Variants in TPR observed in about 807,000 individuals in gnomAD.
The protein encoded by TPR is translocated promoter region, nuclear basket protein.
TPR carries 51 observed loss-of-function variants against 316.1 expected under a neutral mutation model. That is an observed-to-expected ratio of 0.16 (90% confidence interval 0.13 to 0.20). The LOEUF (loss-of-function observed/expected upper bound fraction) is 0.20. TPR is among the 10% of genes least tolerant of loss of function. TPR has a pLI of 1.00. For missense variants in TPR, 2,272 were observed against 2,754.8 expected (o/e 0.82, Z 3.92); for synonymous variants, 981 against 914.7 (o/e 1.07, Z -1.31).
intron 36 of TPR, among the ~76,000 whole-genome samples, chr1:186,333,649 G>A (rs1431797657): frequency 6.6e-6 from 1 of 151,966 alleles, no homozygotes; most frequent in Non-Finnish European, 1.5e-5. Flanking sequence ...AATTACTGTT[G>A]AATAAAATTA....
chr1:186,369,600 C>T lies in TPR; in HGVS notation c.330+1370G>A, dbSNP rs116564637. On this transcript the variant is annotated intron_variant, in intron 3 of 50. Transcript: ENST00000367478. ...TTTTTAATATTGATTTTGTATCCTT[C>T]AATTGTATAAATTCACTTATTAGCT... Among the ~76,000 whole-genome samples the T allele has an allele frequency of 6.1e-3, 929 of 152,054 alleles. 13 individuals are homozygous for T. The highest frequency in any genetic ancestry group is 0.022 in the African/African-American group (899 of 41,490).
In TPR at chr1:186,317,550, G is replaced by A. The variant is rs189194086; in HGVS notation, c.6872C>T (p.Pro2291Leu). The change falls in exon 49 of 51, where the codon CCG becomes CTG. Residue 2291 changes from proline to leucine, a missense_variant. Around this residue, in one of 10 missense-constraint regions of TPR, gnomAD observed 123 missense variants for 142.3 expected, o/e 0.86. Transcript: ENST00000367478. The part of the protein sequence containing the change: ...LEIDSQQEEE[P>L]VQASDESDLP... The stretch of plus-strand genomic sequence containing the variant: ...ATCTGACTCATCAGATGCTTGAACC[G>A]GCTCTTCTTCCTGCTGGCTATCAAT... The A allele has an allele frequency of 6.2e-6, 10 of 1,613,922 alleles. No individual in the cohort carries two copies. The highest frequency in any genetic ancestry group is 3.3e-5 in the Admixed American group (2 of 59,982).
rs759238138 is a variant in TPR at position 186,350,409 on chromosome 1, A to G, written c.2611-21T>C. ...TGAACCTATAAAATACATTAATCTT[A>G]TAACATTCTTTAGGTTCCTAAGTAA... On this transcript the variant is annotated intron_variant, in intron 20 of 50. Coordinates refer to ENST00000367478, the MANE Select transcript of TPR (RefSeq NM_003292.3). 4 of 1,528,654 alleles carry G rather than the reference A, an allele frequency of 2.6e-6. No homozygotes were observed. The South Asian group carries it at 3.7e-5, about 14-fold the overall frequency. The allele number at this position is 1,528,654 out of a possible 1,614,324, so 94.7% of individuals were successfully genotyped here. A position where few individuals can be genotyped will look rare whatever the true frequency, so the allele number is the denominator to read the frequency against.
At chr1:186,360,058 T>C in intron 11 of TPR, 62 bp from the exon 12 acceptor site, 1 of 1,524,548 alleles carries the variant, frequency 6.6e-7, no homozygotes, top group African/African-American at 1.4e-5. Context: ...TTAGTTGATC[T>C]AGTTTCATAA....
At chr1:186,354,054 C>G (rs945229920) in intron 17 of TPR, 2 of 440,122 alleles carry the variant, frequency 4.5e-6, no homozygotes, top group African/African-American at 4.0e-5. Context: ...TTTATTTTCA[C>G]ACTGAAAATC....
chr1:186,321,363 C>A (rs10494583), intron 45 of TPR, among the ~76,000 whole-genome samples: 1 of 152,038 alleles, frequency 6.6e-6, no homozygotes, highest in African/African-American at 2.4e-5. Context: ...ATACCTTAGC[C>A]ACGAATAAAT....
At position 186,325,768 on chromosome 1, in the gene TPR, G is replaced by A. The variant is rs1657908613; in HGVS notation, c.6108C>T (p.Asn2036=). The A allele has an allele frequency of 6.2e-7, 1 of 1,612,192 alleles. No individual in the cohort carries two copies. Among genetic ancestry groups the A allele is most frequent in the East Asian group, 2.2e-5 (1 of 44,802 alleles). Reference sequence around the variant, plus strand: ...AAAGGCTAATAAAAATCTCACCACTGTTTTGAGAATCAGCAGCTCTGTGAT... The same window carrying A: ...AAAGGCTAATAAAAATCTCACCACTATTTTGAGAATCAGCAGCTCTGTGAT... ...EGNHRAADSQ[N]SGEGNTGAAE... The change falls in exon 42 of 51, where the codon AAC becomes AAT. Residue 2036 remains asparagine (N), a synonymous_variant. Transcript: ENST00000367478.
intron 42 of TPR, among the ~76,000 whole-genome samples, chr1:186,325,238 T>C (rs1027264266): frequency 1.3e-5 from 2 of 152,208 alleles, no homozygotes; most frequent in Non-Finnish European, 2.9e-5. Flanking sequence ...AATACACATT[T>C]CAAAATAAAA....
At position 186,352,086 on chromosome 1, in the gene TPR, C is replaced by A; in HGVS notation, c.2359G>T (p.Glu787Ter). 6.2e-7 allele frequency: 1 copy of A among 1,602,340 alleles called. No individual in the cohort carries two copies. Residue 787 changes from glutamate to a stop codon, truncating the protein, a stop_gained, in exon 19 of 51, where the codon GAA (glutamate) becomes TAA (stop). Transcript: ENST00000367478. LOFTEE classifies it high-confidence loss of function. ...AEVRAENLKK[E>*]KEMLKLSEVR... ...TCAGACAATTTAAGCATTTCCTTTT[C>A]CTTCTTCAAATTTTCTGCTCTTACC...
At chr1:186,339,523 G>C (rs1658444455) in intron 30 of TPR, 119 bp downstream of exon 30, 2 of 753,296 alleles carry the variant, frequency 2.7e-6, no homozygotes, top group East Asian at 6.5e-5. Flanking sequence ...GTCAGATATA[G>C]GTGCTCTAGC....
At chr1:186,361,579 G>C (rs377629307) in intron 9 of TPR, 43 bp downstream of exon 9, 170 of 1,541,672 alleles carry the variant, frequency 1.1e-4, no homozygotes, top group Non-Finnish European at 1.5e-4. Context: ...AAAAAAAAGA[G>C]TACAATAACA....
At chr1:186,339,852 A>G in intron 29 of TPR, 80 bp from the exon 30 acceptor site, 1 of 1,222,026 alleles carries the variant, frequency 8.2e-7, no homozygotes, top group East Asian at 2.6e-5. Context: ...AGAATATCTG[A>G]TTATGTTTAT....
chr1:186,370,872 A>G, intron 3 of TPR, 98 bp downstream of exon 3: 1 of 1,012,832 alleles, frequency 9.9e-7, no homozygotes, highest in South Asian at 1.5e-5. Flanking sequence ...GACATCAGTT[A>G]CATCTTCCCA....
chr1:186,344,435 T>C lies in TPR; in HGVS notation c.3357A>G (p.Lys1119=). 6.2e-7 allele frequency: 1 copy of C among 1,614,068 alleles called. No homozygotes were observed. The highest frequency in any genetic ancestry group is 2.2e-5 in the East Asian group (1 of 44,898). ...VRQHLEETTQ[K]AESQLLECKA... is the part of the protein sequence containing the mutation. The stretch of plus-strand genomic sequence containing the variant: ...TACACTCCAACAACTGTGATTCTGC[T>C]TTCTGTGTTGTTTCTTCCAAATGCT... Residue 1119 remains lysine (K), a synonymous_variant, in exon 25 of 51, where the codon AAA becomes AAG. Transcript: ENST00000367478.
intron 50 of TPR, 172 bp downstream of exon 50, chr1:186,314,457 T>C: frequency 2.2e-6 from 1 of 463,004 alleles, no homozygotes; most frequent in Non-Finnish European, 3.8e-6. Context: ...GGTATACAAA[T>C]CTGTCTACAT....
Position 186,313,735 on chromosome 1 carries a change from G to A in TPR, c.*236C>T, listed in dbSNP as rs1392551668. The A allele has an allele frequency of 1.4e-5, 23 of 1,610,008 alleles. No individual in the cohort carries two copies. Among genetic ancestry groups the A allele is most frequent in the African/African-American group, 4.0e-5 (3 of 74,794 alleles). On this transcript the variant is annotated 3_prime_UTR_variant, in exon 51 of 51. Coordinates refer to ENST00000367478, the MANE Select transcript of TPR (RefSeq NM_003292.3). ...AGAACAGCAAGAGCAATTACTACTC[G>A]TTCTGGGCAGACCTTATCCAAAGTC... is the stretch of plus-strand genomic sequence containing the variant.
chr1:186,371,762 C>CA lies in TPR; in HGVS notation c.257-720dup, dbSNP rs547545488. On this transcript the variant is annotated intron_variant, in intron 2 of 50. Transcript: ENST00000367478. ...TTCTATTTAAAGAGGACCATTAAAGCAAAAAAATCCCCATTAAATGTGTCT... is the reference window on the plus strand; with the variant it reads ...TTCTATTTAAAGAGGACCATTAAAGCAAAAAAAATCCCCATTAAATGTGTCT... 2.1e-3 allele frequency among the ~76,000 whole-genome samples: 326 copies of CA among 152,046 alleles called. 1 individual carries two copies. The highest frequency in any genetic ancestry group is 7.3e-3 in the African/African-American group (302 of 41,500).
intron 2 of TPR, among the ~76,000 whole-genome samples, chr1:186,372,362 C>T (rs1218052757): frequency 2.0e-5 from 3 of 152,106 alleles, no homozygotes; most frequent in Non-Finnish European, 2.9e-5. Flanking sequence ...GCCAACATGG[C>T]GAACCACTGT....
chr1:186,337,953 A>G, intron 31 of TPR, 80 bp downstream of exon 31: 1 of 1,160,820 alleles, frequency 8.6e-7, no homozygotes, highest in Non-Finnish European at 1.2e-6. Context: ...AAAAGCTAGT[A>G]ATATTCAAAA....
Sources: allele counts gnomAD v4.1 joint callset (sites outside exome capture counted in the v4.1 genomes callset), GRCh38; gene constraint gnomAD v4.1.1; regional missense constraint gnomAD v4.1.1; transcripts MANE v1.5; gene names NCBI Gene and HGNC (gene_info 2026-07-23, HGNC 2026-07-21).